The following SLC12A9 variants were observed in gnomAD, a reference collection of about 807,000 sequenced individuals.
SLC12A9 encodes the protein solute carrier family 12 member 9.
Under a neutral mutation model 66.0 loss-of-function variants are expected in SLC12A9, and 55 were observed. The observed-to-expected ratio is 0.83, with a 90% CI of 0.67 to 1.04. The LOEUF (loss-of-function observed/expected upper bound fraction) is 1.04, where lower values mean the gene tolerates loss of function less well. Among genes scored for constraint, SLC12A9 ranks in the 50% least tolerant of loss-of-function variants. SLC12A9 has a pLI of 0.00. For missense variants in SLC12A9, 1,061 were observed against 1,241.9 expected, an observed-to-expected ratio of 0.85 and a Z score of 2.19; for synonymous variants, 577 against 569.0, an observed-to-expected ratio of 1.01 and a Z score of -0.20.
In SLC12A9 at chr7:100,861,348, G is replaced by A. The variant is rs201222274; in HGVS notation, c.1344-44G>A. ...GGCTGGGGACTGCAGCCTCGTGTGC[G>A]GCCTGCCCTGAGTTTCTGTCCCTCC... On this transcript the variant is annotated intron_variant, in intron 10 of 13. Transcript: ENST00000354161. This position sits in a 1 kb window ranked among gnomAD's most constrained non-coding sequence, Gnocchi z 5.3. 26 of 1,611,500 alleles carry A rather than the reference G, an allele frequency of 1.6e-5. 1 individual carries two copies. Among genetic ancestry groups the A allele is most frequent in the South Asian group, 1.3e-4 (12 of 91,012 alleles).
chr7:100,850,309 G>A (rs1458966454), upstream of SLC12A9, among the ~76,000 whole-genome samples: 3 of 145,338 alleles, frequency 2.1e-5, no homozygotes, highest in Non-Finnish European at 4.5e-5. Context: ...ACCCAGATGG[G>A]TGTGCAGCCA....
At chr7:100,851,587 G>C (rs1814079543), upstream of SLC12A9, among the ~76,000 whole-genome samples, 1 of 151,656 alleles carries the variant, frequency 6.6e-6, no homozygotes, top group Admixed American at 6.6e-5. Context: ...GAGTTCAGGA[G>C]TTCCAGAGAG....
chr7:100,835,027 C>A (rs1051464555), intron 1 of SLC12A9, among the ~76,000 whole-genome samples: 5 of 152,024 alleles, frequency 3.3e-5, no homozygotes, highest in Admixed American at 6.5e-5. Context: ...GAGTGAGACC[C>A]CGTTTCAACA....
At chr7:100,834,080 A>C (rs1201291438) in intron 1 of SLC12A9, among the ~76,000 whole-genome samples, 1 of 152,154 alleles carries the variant, frequency 6.6e-6, no homozygotes, top group Non-Finnish European at 1.5e-5. Context: ...CTAAGCGCAC[A>C]GCCTAACTTG....
At chr7:100,865,431 C>A (rs1166917800) in intron 13 of SLC12A9, 1 of 1,536,002 alleles carries the variant, frequency 6.5e-7, no homozygotes, top group African/African-American at 1.4e-5. Flanking sequence ...ATCCTCCTCT[C>A]CATAGAATTG....
intron 9 of SLC12A9, 24 bp downstream of exon 9, chr7:100,860,256 C>A (rs764428708): frequency 1.2e-6 from 2 of 1,609,130 alleles, no homozygotes; most frequent in South Asian, 2.2e-5. Flanking sequence ...TTCAAGGGGC[C>A]CTTTCCCTCA....
In SLC12A9 at chr7:100,858,746, C is replaced by T. The variant is rs1002820579; in HGVS notation, c.758-89C>T. Reference sequence around the variant, plus strand: ...GGGCAGTGCAGGGGAGGCAAGAGGACCGTGGGAATGTGTGGAGAGGGTGGC... The same window carrying T: ...GGGCAGTGCAGGGGAGGCAAGAGGATCGTGGGAATGTGTGGAGAGGGTGGC... On this transcript the variant is annotated intron_variant, in intron 5 of 13. Transcript: ENST00000354161. 11 of 1,250,500 alleles carry T rather than the reference C, an allele frequency of 8.8e-6. No individual in the cohort carries two copies. The Admixed American group carries it at 1.3e-4, about 15-fold the overall frequency. The allele number at this position is 1,250,500 out of a possible 1,614,324, so 77.5% of individuals were successfully genotyped here.
intron 1 of SLC12A9, among the ~76,000 whole-genome samples, chr7:100,832,973 A>G (rs761102399): frequency 6.6e-6 from 1 of 152,036 alleles, no homozygotes; most frequent in African/African-American, 2.4e-5. Flanking sequence ...ACAGGGTCTC[A>G]CTATGTTGCG....
chr7:100,854,203 C>G lies in SLC12A9; in HGVS notation c.6C>G (p.Ala2=), dbSNP rs770572489. M[A]SESSPLLAYR... is the part of the protein sequence containing the mutation. The stretch of plus-strand genomic sequence containing the variant: ...TCCTCTACCTGTGCTCAGCCATGGC[C>G]AGCGAGAGCTCACCTCTGCTGGCCT... The change falls in exon 2 of 14, where the codon GCC becomes GCG. Residue 2 remains alanine, a synonymous_variant. Transcript: ENST00000354161. The G allele has an allele frequency of 5.8e-6, 9 of 1,564,838 alleles. No individual in the cohort carries two copies.
intron 3 of SLC12A9, chr7:100,855,501 C>G: frequency 1.6e-6 from 1 of 613,232 alleles, no homozygotes; most frequent in Non-Finnish European, 2.8e-6. Context: ...CACGTTGATG[C>G]CAATTTCTAG....
intron 13 of SLC12A9, among the ~76,000 whole-genome samples, chr7:100,863,124 G>T (rs552318619): frequency 6.6e-6 from 1 of 151,230 alleles, no homozygotes; most frequent in South Asian, 2.1e-4. Flanking sequence ...GAGTACAGTG[G>T]CACGATCTTG....
At position 100,865,918 on chromosome 7, in the gene SLC12A9, G is replaced by T; in HGVS notation, c.2058G>T (p.Thr686=). The change falls in exon 14 of 14, where the codon ACG becomes ACT. Residue 686 remains threonine, a synonymous_variant. Coordinates refer to ENST00000354161, the MANE Select transcript of SLC12A9 (RefSeq NM_020246.4). The part of the protein sequence containing the change: ...RALNPQDYVA[T]VADALKMNKN... ...TCAATCCCCAGGACTATGTGGCCAC[G>T]GTGGCCGACGCCCTCAAGATGAACA... 6.2e-7 allele frequency: 1 copy of T among 1,613,514 alleles called. No individual in the cohort carries two copies. The highest frequency in any genetic ancestry group is 1.6e-4 in the Middle Eastern group (1 of 6,062).
At chr7:100,864,107 C>T (rs1412064582) in intron 13 of SLC12A9, among the ~76,000 whole-genome samples, 2 of 127,278 alleles carry the variant, frequency 1.6e-5, no homozygotes, top group Admixed American at 1.7e-4. Flanking sequence ...TGGACAGGGT[C>T]TCACTCTGTT....
In SLC12A9 at chr7:100,855,736, T is replaced by C; in HGVS notation, c.347T>C (p.Val116Ala). 6.2e-7 allele frequency: 1 copy of C among 1,614,054 alleles called. No homozygotes were observed. Among genetic ancestry groups the C allele is most frequent in the African/African-American group, 1.3e-5 (1 of 75,022 alleles). ...FMISRTLGPE[V>A]GGSIGLMFYL... ...ATCAGCCGCACACTGGGGCCCGAGG[T>C]CGGGGGCAGCATTGGGCTCATGTTC... Residue 116 changes from valine (V) to alanine (A), a missense_variant, in exon 4 of 14, where the codon GTC becomes GCC. Transcript: ENST00000354161.
chr7:100,863,417 T>A (rs1562996439), intron 13 of SLC12A9, among the ~76,000 whole-genome samples: 1 of 151,592 alleles, frequency 6.6e-6, no homozygotes, highest in Non-Finnish European at 1.5e-5. Flanking sequence ...CACTGAAGAG[T>A]GTATTTTTGG....
In SLC12A9 at chr7:100,861,618, G is replaced by C; in HGVS notation, c.1536+34G>C. ...AGCTGGTGGGGCGGTGGGGAAATGGGAGGTGGTCAAAGAACCCCCTCTCTC... is the reference window on the plus strand; with the variant it reads ...AGCTGGTGGGGCGGTGGGGAAATGGCAGGTGGTCAAAGAACCCCCTCTCTC... On this transcript the variant is annotated intron_variant, in intron 11 of 13. Transcript: ENST00000354161. This position sits in a 1 kb window ranked among gnomAD's most constrained non-coding sequence, Gnocchi z 5.3. 6.2e-7 allele frequency: 1 copy of C among 1,608,694 alleles called. No individual in the cohort carries two copies. The highest frequency in any genetic ancestry group is 8.5e-7 in the Non-Finnish European group (1 of 1,176,676).
intron 13 of SLC12A9, among the ~76,000 whole-genome samples, chr7:100,863,262 C>T (rs536089513): frequency 4.6e-5 from 7 of 152,154 alleles, no homozygotes; most frequent in Non-Finnish European, 5.9e-5. Flanking sequence ...ATGGGGGTTT[C>T]ACCATGTTGC....
intron 3 of SLC12A9, chr7:100,855,482 A>G (rs755573500): frequency 1.9e-6 from 1 of 530,042 alleles, no homozygotes; most frequent in Non-Finnish European, 3.4e-6. Context: ...GGAGATCAAC[A>G]TTGCCCTGCA....
chr7:100,865,340 G>T lies in SLC12A9; in HGVS notation c.1859-379G>T, dbSNP rs569568404. The T allele has an allele frequency of 3.1e-5, 47 of 1,535,974 alleles. No homozygotes were observed. In the African/African-American group the frequency reaches 6.0e-4, roughly 20 times the overall value. Reference sequence around the variant, plus strand: ...CAGGTCATGAGCTTGGCTGATCAGGGTGTCTGGTTTGCACAACAGAGTCAA... The same window carrying T: ...CAGGTCATGAGCTTGGCTGATCAGGTTGTCTGGTTTGCACAACAGAGTCAA... On this transcript the variant is annotated intron_variant, in intron 13 of 13. Coordinates refer to ENST00000354161, the MANE Select transcript of SLC12A9 (RefSeq NM_020246.4).
Sources: allele counts gnomAD v4.1 joint callset (sites outside exome capture counted in the v4.1 genomes callset), GRCh38; gene constraint gnomAD v4.1.1; non-coding constraint Gnocchi (gnomAD v3.1); transcripts MANE v1.5; gene names NCBI Gene and HGNC (gene_info 2026-07-23, HGNC 2026-07-21).